PMP22: variants seen among roughly 807,000 people sequenced by gnomAD.
PMP22 encodes the protein peripheral myelin protein 22.
A neutral mutation model predicts 18.9 loss-of-function variants in PMP22; 2 were observed. The ratio of observed to expected loss-of-function variants is 0.11; its 90% CI spans 0.04 to 0.33. The LOEUF (loss-of-function observed/expected upper bound fraction) is 0.33, where lower values mean the gene tolerates loss of function less well. Ranked by LOEUF, PMP22 falls within the 10% of genes least tolerant of loss-of-function variation. The probability of loss-of-function intolerance (pLI) is 1.00; values close to 1 mark genes in which losing one functional copy is unlikely to be tolerated. For synonymous variants in PMP22, 95 were observed against 89.2 expected (o/e 1.07, Z -0.37); for missense variants, 169 against 202.2 (o/e 0.84, Z 1.00).
At chr17:15,247,015 A>C (rs1157658647) in intron 3 of PMP22, among the ~76,000 whole-genome samples, 3 of 137,912 alleles carry the variant, frequency 2.2e-5, no homozygotes, top group African/African-American at 8.2e-5. Flanking sequence ...GACTGCAGTG[A>C]GCCGAGATCA....
chr17:15,239,405 A>C (rs1425241852), intron 4 of PMP22, 66 bp downstream of exon 4: 5 of 1,558,932 alleles, frequency 3.2e-6, no homozygotes, highest in Non-Finnish European at 4.4e-6. Context: ...TCCTTCTACT[A>C]AACTAATCAT....
intron 4 of PMP22, among the ~76,000 whole-genome samples, chr17:15,237,487 A>C (rs1906914441): frequency 6.6e-6 from 1 of 152,222 alleles, no homozygotes; most frequent in African/African-American, 2.4e-5. Flanking sequence ...TATTCATCAC[A>C]GATGTTTGGA....
At chr17:15,241,762 G>C (rs570505842) in intron 3 of PMP22, among the ~76,000 whole-genome samples, 1 of 152,028 alleles carries the variant, frequency 6.6e-6, no homozygotes, top group African/African-American at 2.4e-5. Context: ...GTTATTTCTC[G>C]AATCAAATCA....
At chr17:15,259,884 G>C (rs1909157214) in intron 2 of PMP22, among the ~76,000 whole-genome samples, 1 of 144,438 alleles carries the variant, frequency 6.9e-6, no homozygotes, top group Non-Finnish European at 1.5e-5. Flanking sequence ...GTTGCAGTAA[G>C]CCAAGATCAT....
chr17:15,248,783 C>G (rs1239522118), intron 3 of PMP22, among the ~76,000 whole-genome samples: 3 of 152,164 alleles, frequency 2.0e-5, no homozygotes. Flanking sequence ...CATGAATGAT[C>G]AAAGCCTGCT....
At chr17:15,254,904 A>T (rs1349683792) in intron 3 of PMP22, among the ~76,000 whole-genome samples, 2 of 152,230 alleles carry the variant, frequency 1.3e-5, no homozygotes, top group Non-Finnish European at 2.9e-5. Context: ...GGTTGCAGTG[A>T]GCCAAGATGG....
chr17:15,251,523 A>G, intron 3 of PMP22: 1 of 154,242 alleles, frequency 6.5e-6, no homozygotes, highest in East Asian at 2.0e-4. Context: ...CTTGAAGGTA[A>G]TAAGTTCCCC....
chr17:15,237,170 T>C (rs1906888165), intron 4 of PMP22, among the ~76,000 whole-genome samples: 1 of 152,044 alleles, frequency 6.6e-6, no homozygotes, highest in African/African-American at 2.4e-5. Context: ...GAAGCAAGAG[T>C]GGATTAGTAA....
At chr17:15,256,964 G>A (rs561061649) in intron 3 of PMP22, among the ~76,000 whole-genome samples, 74 of 152,168 alleles carry the variant, frequency 4.9e-4, no homozygotes, top group Non-Finnish European at 8.8e-4. Flanking sequence ...TTAAGCCTGA[G>A]TGGCGTGAAA....
At chr17:15,257,105 C>A (rs1908901410) in intron 3 of PMP22, among the ~76,000 whole-genome samples, 1 of 152,118 alleles carries the variant, frequency 6.6e-6, no homozygotes, top group South Asian at 2.1e-4. Context: ...GATTTGAAAC[C>A]CACACTAAGG....
Position 15,261,478 on chromosome 17 carries a change from T to G in PMP22, c.-34-717A>C, listed in dbSNP as rs1204100446. 1.3e-5 allele frequency: 2 copies of G among 152,346 alleles called. No homozygotes were observed. Among genetic ancestry groups the G allele is most frequent in the East Asian group, 1.9e-4 (1 of 5,176 alleles). The allele number at this position is 152,346 out of a possible 1,614,324, so 9.4% of individuals were successfully genotyped here. A position where few individuals can be genotyped will look rare whatever the true frequency, so the allele number is the denominator to read the frequency against. On this transcript the variant is annotated intron_variant, in intron 1 of 4. Transcript: ENST00000312280. This position sits in a 1 kb window ranked among gnomAD's most constrained non-coding sequence, Gnocchi z 5.2. ...GAGAGGGTTGCCCGGACCCTGCGCT[T>G]CCCGTCCACCGCGCGCTTCCCCAGG...
intron 3 of PMP22, among the ~76,000 whole-genome samples, chr17:15,254,477 C>T (rs1004053879): frequency 3.9e-5 from 6 of 152,168 alleles, no homozygotes; most frequent in Non-Finnish European, 8.8e-5. Context: ...GTTTGGCTTG[C>T]TGGCTGGTGA....
At chr17:15,263,583 G>GCGCGCA (rs71353722) in intron 1 of PMP22, among the ~76,000 whole-genome samples, 46 of 149,942 alleles carry the variant, frequency 3.1e-4, no homozygotes, top group African/African-American at 1.1e-3. Context: ...GCACGCGCGC[G>GCGCGCA]CACACACACA....
chr17:15,264,208 T>TGATAGGTAGGTA (rs1419827073), intron 1 of PMP22, among the ~76,000 whole-genome samples: 2 of 137,902 alleles, frequency 1.5e-5, no homozygotes, highest in East Asian at 4.7e-4. Context: ...CTTGTAACTC[T>TGATAGGTAGGTA]GATAGGTAGG....
intron 4 of PMP22, among the ~76,000 whole-genome samples, chr17:15,238,000 A>G (rs932490560): frequency 4.4e-4 from 62 of 141,230 alleles, no homozygotes; most frequent in African/African-American, 1.7e-3. Context: ...AACGAGTGAG[A>G]AAAAAAAAAA....
intron 3 of PMP22, among the ~76,000 whole-genome samples, chr17:15,249,536 A>G (rs570433011): frequency 6.6e-6 from 1 of 152,238 alleles, no homozygotes; most frequent in South Asian, 2.1e-4. Flanking sequence ...ATCCACAAAA[A>G]CTAGAGAGGG....
chr17:15,230,799 T>G lies in PMP22; in HGVS notation c.*118A>C. On this transcript the variant is annotated 3_prime_UTR_variant, in exon 5 of 5. Transcript: ENST00000312280. ...CAACCCCCACCTCCACTGCTTTCTG[T>G]TTGGTTTGGTTTGAGTTTGGGATTT... The G allele has an allele frequency of 1.1e-5, 11 of 1,009,434 alleles. No homozygotes were observed. The highest frequency in any genetic ancestry group is 1.5e-5 in the Non-Finnish European group (10 of 665,560). 62.5% of individuals were successfully genotyped at this position (1,009,434 alleles called of 1,614,324 possible). A position where few individuals can be genotyped will look rare whatever the true frequency, so the allele number is the denominator to read the frequency against.
At chr17:15,251,048 T>C (rs546295345) in intron 3 of PMP22, among the ~76,000 whole-genome samples, 1 of 152,196 alleles carries the variant, frequency 6.6e-6, no homozygotes, top group African/African-American at 2.4e-5. Context: ...TACCACAGCC[T>C]GTGAGGCACC....
intron 2 of PMP22, among the ~76,000 whole-genome samples, chr17:15,259,546 T>C (rs1445598531): frequency 6.6e-6 from 1 of 152,190 alleles, no homozygotes; most frequent in African/African-American, 2.4e-5. Context: ...ATCAGTCTGA[T>C]ATCATCATCA....
Sources: allele counts gnomAD v4.1 joint callset (sites outside exome capture counted in the v4.1 genomes callset), GRCh38; gene constraint gnomAD v4.1.1; non-coding constraint Gnocchi (gnomAD v3.1); transcripts MANE v1.5; gene names NCBI Gene and HGNC (gene_info 2026-07-23, HGNC 2026-07-21).